The following RPA3 variants were observed in gnomAD, a reference collection of about 807,000 sequenced individuals.
The protein encoded by RPA3 is replication protein A 14 kDa subunit.
Under a neutral mutation model 13.7 loss-of-function variants are expected in RPA3, and 24 were observed. The ratio of observed to expected loss-of-function variants is 1.75; its 90% CI spans 1.27 to 2.46. The LOEUF is 2.46. RPA3 is among the 30% of genes most tolerant of loss of function. The probability of loss-of-function intolerance (pLI) is 0.00; values close to 1 mark genes in which losing one functional copy is unlikely to be tolerated. For missense variants in RPA3, 183 were observed against 151.0 expected (o/e 1.21, Z -1.11); for synonymous variants, 59 against 51.2 (o/e 1.15, Z -0.65).
At chr7:7,650,308 C>T (rs1785195299) in intron 4 of RPA3, among the ~76,000 whole-genome samples, 1 of 152,126 alleles carries the variant, frequency 6.6e-6, no homozygotes, top group Non-Finnish European at 1.5e-5. Context: ...ATTTTTACAG[C>T]TTCATCAGTT....
At chr7:7,691,663 G>C (rs143560469) in intron 2 of RPA3, among the ~76,000 whole-genome samples, 1 of 152,276 alleles carries the variant, frequency 6.6e-6, no homozygotes, top group Admixed American at 6.5e-5. Context: ...TATCTCTAAA[G>C]TTTTCTTAGA....
At chr7:7,657,453 G>C (rs936994799) in intron 4 of RPA3, among the ~76,000 whole-genome samples, 1 of 152,082 alleles carries the variant, frequency 6.6e-6, no homozygotes, top group East Asian at 1.9e-4. Flanking sequence ...TACGTCTTAC[G>C]TTTAGGTCTT....
intron 2 of RPA3, among the ~76,000 whole-genome samples, chr7:7,700,294 C>T (rs561615111): frequency 7.2e-5 from 11 of 152,276 alleles, no homozygotes; most frequent in Admixed American, 2.6e-4. Context: ...TTCATGTGTA[C>T]TTCACCCTCA....
intron 2 of RPA3, among the ~76,000 whole-genome samples, chr7:7,708,175 A>G (rs900061471): frequency 7.9e-5 from 12 of 152,190 alleles, no homozygotes; most frequent in African/African-American, 1.9e-4. Context: ...TAGCAATTAC[A>G]TATTCAAACA....
chr7:7,646,070 G>A (rs975132613), intron 4 of RPA3, among the ~76,000 whole-genome samples: 1 of 152,182 alleles, frequency 6.6e-6, no homozygotes, highest in Non-Finnish European at 1.5e-5. Context: ...CCCCATGGCA[G>A]TGTCTAGGGG....
chr7:7,696,157 C>A (rs1308967527), intron 2 of RPA3, among the ~76,000 whole-genome samples: 1 of 151,814 alleles, frequency 6.6e-6, no homozygotes, highest in Non-Finnish European at 1.5e-5. Flanking sequence ...AGGCATGCAC[C>A]ACCATGCCCA....
intron 4 of RPA3, among the ~76,000 whole-genome samples, chr7:7,646,553 A>G (rs554955927): frequency 1.9e-4 from 26 of 136,064 alleles, no homozygotes; most frequent in Non-Finnish European, 3.2e-4. Flanking sequence ...GCTTTCCGCC[A>G]TGATTGTGAG....
At position 7,696,682 on chromosome 7, in the gene RPA3, G is replaced by A. The variant is rs552754149; in HGVS notation, c.-1027-9354C>T. ...GACTCACATGCTCAAGCTAAATAAAGCACTCCGTAAAGATTTTTCTGCCTC... is the reference window on the plus strand; with the variant it reads ...GACTCACATGCTCAAGCTAAATAAAACACTCCGTAAAGATTTTTCTGCCTC... On this transcript the variant is annotated intron_variant, in intron 2 of 7. Coordinates refer to ENST00000223129, the MANE Select transcript of RPA3 (RefSeq NM_002947.5). 1.4e-3 allele frequency among the ~76,000 whole-genome samples: 219 copies of A among 152,180 alleles called. 4 individuals are homozygous for A. Among genetic ancestry groups the A allele is most frequent in the Admixed American group, 3.8e-3 (58 of 15,284 alleles).
At position 7,688,143 on chromosome 7, in the gene RPA3, G is replaced by T. The variant is rs375089588; in HGVS notation, c.-1027-815C>A. On this transcript the variant is annotated intron_variant, in intron 2 of 7. Coordinates refer to ENST00000223129, the MANE Select transcript of RPA3 (RefSeq NM_002947.5). ...GTAAAATTTTAGGTTTGTATTTTTG[G>T]GGGGAGAACATTCCCTGCATTACAT... 1.6e-4 allele frequency among the ~76,000 whole-genome samples: 24 copies of T among 152,288 alleles called. No individual in the cohort carries two copies. In the South Asian group the frequency reaches 3.3e-3, roughly 21 times the overall value.
At chr7:7,676,165 G>C in intron 4 of RPA3, 1 of 398,620 alleles carries the variant, frequency 2.5e-6, no homozygotes, top group Non-Finnish European at 4.4e-6. Context: ...CAGACCCTTT[G>C]GGTTGGCTTC....
At chr7:7,638,264 CTA>C (rs28916307) in intron 6 of RPA3, 24,718 of 260,134 alleles carry the variant, frequency 0.095, 1,521 homozygotes, top group Non-Finnish European at 0.13. Flanking sequence ...CAGTAATATC[CTA>C]TGAGAGGAAT....
rs192164615 is a variant in RPA3 at position 7,698,470 on chromosome 7, C to G, written c.-1027-11142G>C. ...TTAGCCTTTTCCTTAGAAGTCACTT[C>G]TAGAACCAGATCCACCTGATTTAAC... is the stretch of plus-strand genomic sequence containing the variant. On this transcript the variant is annotated intron_variant, in intron 2 of 7. Coordinates refer to ENST00000223129, the MANE Select transcript of RPA3 (RefSeq NM_002947.5). Among the ~76,000 whole-genome samples, 8 of 152,356 alleles carry G rather than the reference C, an allele frequency of 5.3e-5. No individual in the cohort carries two copies. In the East Asian group the frequency reaches 1.5e-3, roughly 29 times the overall value.
chr7:7,660,015 T>G (rs1043881669), intron 4 of RPA3, among the ~76,000 whole-genome samples: 1 of 152,230 alleles, frequency 6.6e-6, no homozygotes, highest in African/African-American at 2.4e-5. Flanking sequence ...TTTAGGATAG[T>G]TAGCTCTTCT....
rs1291908397 is a variant in RPA3 at position 7,693,678 on chromosome 7, T to G, written c.-1027-6350A>C. ...TTAGTGGATTGCACAAATTTATGCC[T>G]TGTTTATTTTATAATGACTTTATTA... is the stretch of plus-strand genomic sequence containing the variant. On this transcript the variant is annotated intron_variant, in intron 2 of 7. Coordinates refer to ENST00000223129, the MANE Select transcript of RPA3 (RefSeq NM_002947.5). 3.3e-5 allele frequency among the ~76,000 whole-genome samples: 5 copies of G among 152,176 alleles called. No individual in the cohort carries two copies. The South Asian group carries it at 1.0e-3, about 31-fold the overall frequency.
At chr7:7,650,972 C>T (rs1476664084) in intron 4 of RPA3, among the ~76,000 whole-genome samples, 1 of 152,178 alleles carries the variant, frequency 6.6e-6, no homozygotes, top group Non-Finnish European at 1.5e-5. Flanking sequence ...GCAGAATCCC[C>T]ATATTTGCTC....
intron 4 of RPA3, among the ~76,000 whole-genome samples, chr7:7,652,492 T>C (rs1450321436): frequency 1.3e-5 from 2 of 152,240 alleles, no homozygotes; most frequent in East Asian, 1.9e-4. Flanking sequence ...TTGACTAGAC[T>C]AGAATGTGAG....
chr7:7,684,888 G>T (rs1447001279), intron 4 of RPA3, among the ~76,000 whole-genome samples: 1 of 152,092 alleles, frequency 6.6e-6, no homozygotes, highest in Non-Finnish European at 1.5e-5. Context: ...TCCTTGAAGG[G>T]TGCTTATTCC....
At chr7:7,643,715 AAAAAAAAAAACAAACAAACG>A (rs762414742) in intron 4 of RPA3, among the ~76,000 whole-genome samples, 3,262 of 59,414 alleles carry the variant, frequency 0.055, 73 homozygotes, top group Middle Eastern at 0.09. Flanking sequence ...CCCTCTCAAA[AAAAAAAAAAACAAACAAACG>A]AAAAAAAAAG....
chr7:7,698,740 T>C (rs2115149771), intron 2 of RPA3, among the ~76,000 whole-genome samples: 1 of 152,248 alleles, frequency 6.6e-6, no homozygotes, highest in Admixed American at 6.6e-5. Context: ...ACTTCTTTAA[T>C]GACTATTTAG....
Sources: gnomAD v4.1 joint callset for allele counts (sites outside exome capture counted in the v4.1 genomes callset) on GRCh38, gnomAD v4.1.1 for gene constraint, MANE v1.5 for transcripts, NCBI Gene and HGNC (gene_info 2026-07-23, HGNC 2026-07-21) for gene names.